Variants in RARB observed in about 807,000 individuals in gnomAD.
The protein encoded by RARB is HBV-activated protein.
Under a neutral mutation model 51.9 loss-of-function variants are expected in RARB, and 17 were observed. The observed-to-expected ratio is 0.33, with a 90% CI of 0.22 to 0.49. RARB has a LOEUF of 0.49. Ranked by LOEUF, RARB falls within the 20% of genes least tolerant of loss-of-function variation. The pLI, the probability that RARB is intolerant of heterozygous loss-of-function variation, is 0.99. For missense variants in RARB, 369 were observed against 550.8 expected (o/e 0.67, Z 3.30); for synonymous variants, 215 against 195.4 (o/e 1.10, Z -0.84).
chr3:25,113,784 A>AAC (rs1424140328), intron 3 of RARB, among the ~76,000 whole-genome samples: 5 of 152,158 alleles, frequency 3.3e-5, no homozygotes, highest in African/African-American at 1.2e-4. Flanking sequence ...GTTCCCTGGC[A>AAC]ACAGCCAGTG....
intron 2 of RARB, among the ~76,000 whole-genome samples, chr3:25,500,238 CAT>C (rs1431394479): frequency 6.6e-6 from 1 of 152,106 alleles, no homozygotes; most frequent in Non-Finnish European, 1.5e-5. Context: ...TAAGTAGCCT[CAT>C]GTGACTAATA....
intron 2 of RARB, among the ~76,000 whole-genome samples, chr3:24,890,861 G>A (rs932137541): frequency 2.6e-5 from 4 of 151,914 alleles, no homozygotes; most frequent in Admixed American, 1.3e-4. Flanking sequence ...AAAAAAATGC[G>A]GTTTGAGTTT....
At chr3:25,197,427 A>G (rs1701272816) in intron 5 of RARB, among the ~76,000 whole-genome samples, 2 of 151,986 alleles carry the variant, frequency 1.3e-5, no homozygotes, top group South Asian at 4.1e-4. Context: ...TCGTCTACGT[A>G]TCTGTTTTGG....
At chr3:25,277,427 T>C (rs1231553206) in intron 5 of RARB, among the ~76,000 whole-genome samples, 1 of 152,158 alleles carries the variant, frequency 6.6e-6, no homozygotes, top group African/African-American at 2.4e-5. Context: ...ACAAGTGAAA[T>C]CGCCTATGGA....
chr3:25,454,639 A>G (rs1559410968), intron 1 of RARB, among the ~76,000 whole-genome samples: 1 of 152,130 alleles, frequency 6.6e-6, no homozygotes, highest in African/African-American at 2.4e-5. Context: ...AAAATCCTGA[A>G]ATCTGTCAAC....
intron 4 of RARB, among the ~76,000 whole-genome samples, chr3:25,572,536 A>G (rs954367341): frequency 6.6e-6 from 1 of 152,132 alleles, no homozygotes; most frequent in Non-Finnish European, 1.5e-5. Context: ...GTCTGACTCC[A>G]GGGCAGCTCT....
chr3:25,090,562 G>A (rs1699179259), intron 3 of RARB, among the ~76,000 whole-genome samples: 1 of 152,070 alleles, frequency 6.6e-6, no homozygotes, highest in Non-Finnish European at 1.5e-5. Flanking sequence ...CCTGTTGTCT[G>A]ATGCTGTCAT....
intron 2 of RARB, among the ~76,000 whole-genome samples, chr3:25,056,013 C>T (rs1170774776): frequency 6.6e-6 from 1 of 152,106 alleles, no homozygotes; most frequent in East Asian, 1.9e-4. Flanking sequence ...TTTAATCTAA[C>T]CAATCTGTCC....
chr3:25,274,334 C>T lies in RARB; in HGVS notation c.178+99759C>T, dbSNP rs1006541678. Among the ~76,000 whole-genome samples the T allele has an allele frequency of 1.2e-4, 19 of 152,118 alleles. No homozygotes were observed. The East Asian group carries it at 1.7e-3, about 14-fold the overall frequency. On this transcript the variant is annotated intron_variant, in intron 5 of 11. Coordinates refer to the RARB transcript ENST00000383772. ...ACCGTTCAAGTGCTCAGCAGCCACACGCAACTAATGGCCATAGGCTACCAT... is the reference window on the plus strand; with the variant it reads ...ACCGTTCAAGTGCTCAGCAGCCACATGCAACTAATGGCCATAGGCTACCAT...
chr3:25,089,727 C>A (rs973544885), intron 3 of RARB, among the ~76,000 whole-genome samples: 1 of 151,980 alleles, frequency 6.6e-6, no homozygotes, highest in Non-Finnish European at 1.5e-5. Flanking sequence ...GAAAGAGAAG[C>A]CAAGAATATT....
chr3:25,177,338 G>A lies in RARB; in HGVS notation c.178+2763G>A, dbSNP rs376306383. ...TTTATCCATGTACTGAGATTAGTAGGAAGGTAGCCAAATTCTGTAAAGACT... is the reference window on the plus strand; with the variant it reads ...TTTATCCATGTACTGAGATTAGTAGAAAGGTAGCCAAATTCTGTAAAGACT... On this transcript the variant is annotated intron_variant, in intron 5 of 11. Coordinates refer to the RARB transcript ENST00000383772. Among the ~76,000 whole-genome samples, 12 of 152,192 alleles carry A rather than the reference G, an allele frequency of 7.9e-5. No homozygotes were observed. In the East Asian group the frequency reaches 9.6e-4, roughly 12 times the overall value.
chr3:25,110,075 A>C (rs1446737668), intron 3 of RARB, among the ~76,000 whole-genome samples: 1 of 152,048 alleles, frequency 6.6e-6, no homozygotes, highest in African/African-American at 2.4e-5. Flanking sequence ...CTGTCTGTTA[A>C]ACTCTCCAGT....
chr3:25,061,624 C>T (rs936801662), intron 3 of RARB, among the ~76,000 whole-genome samples: 2 of 151,702 alleles, frequency 1.3e-5, no homozygotes, highest in Non-Finnish European at 3.0e-5. Context: ...TTATTCAGAG[C>T]TAGCTGCTTT....
intron 1 of RARB, among the ~76,000 whole-genome samples, chr3:24,847,802 T>C (rs1702503599): frequency 6.6e-6 from 1 of 152,118 alleles, no homozygotes; most frequent in Non-Finnish European, 1.5e-5. Context: ...AGCTGCAGAG[T>C]CTGCATTTTC....
chr3:25,176,501 T>G (rs1165483392), intron 5 of RARB, among the ~76,000 whole-genome samples: 1 of 151,282 alleles, frequency 6.6e-6, no homozygotes, highest in African/African-American at 2.4e-5. Context: ...TTTCAGGTGT[T>G]TCTCCCACCT....
chr3:25,332,087 A>G (rs1174176920), intron 5 of RARB, among the ~76,000 whole-genome samples: 1 of 152,234 alleles, frequency 6.6e-6, no homozygotes, highest in East Asian at 1.9e-4. Context: ...GCCAAATTCT[A>G]CCAGAGGTAC....
At chr3:25,139,136 T>G (rs976798239) in intron 4 of RARB, among the ~76,000 whole-genome samples, 2 of 152,024 alleles carry the variant, frequency 1.3e-5, no homozygotes, top group African/African-American at 4.8e-5. Flanking sequence ...TTTTCCAACT[T>G]CCATATTCCC....
At chr3:24,879,849 G>C (rs1703122664) in intron 2 of RARB, among the ~76,000 whole-genome samples, 1 of 150,934 alleles carries the variant, frequency 6.6e-6, no homozygotes, top group East Asian at 2.0e-4. Flanking sequence ...ATCTCAGATG[G>C]GTTTTTAGTT....
chr3:25,451,380 C>T (rs1709186768), intron 1 of RARB, among the ~76,000 whole-genome samples: 1 of 152,172 alleles, frequency 6.6e-6, no homozygotes, highest in Non-Finnish European at 1.5e-5. Context: ...GCAAAGCTTA[C>T]CACTTTCCCG....
Sources: allele counts gnomAD v4.1 joint callset (sites outside exome capture counted in the v4.1 genomes callset), GRCh38; gene constraint gnomAD v4.1.1; transcripts MANE v1.5; gene names NCBI Gene and HGNC (gene_info 2026-07-23, HGNC 2026-07-21).